Variants in RNLS observed in about 807,000 individuals in gnomAD.
RNLS encodes renalase.
A neutral mutation model predicts 39.8 loss-of-function variants in RNLS; 39 were observed. That is an observed-to-expected ratio of 0.98 (90% CI 0.76 to 1.28). The LOEUF is 1.28. RNLS is among the 50% of genes most tolerant of loss of function. The pLI, the probability that RNLS is intolerant of heterozygous loss-of-function variation, is 0.00. For synonymous variants in RNLS, 147 were observed against 150.7 expected, an observed-to-expected ratio of 0.98 and a Z score of 0.18; for missense variants, 410 against 413.3, an observed-to-expected ratio of 0.99 and a Z score of 0.07.
At chr10:88,474,358 A>C (rs888697441) in intron 4 of RNLS, among the ~76,000 whole-genome samples, 2 of 152,110 alleles carry the variant, frequency 1.3e-5, no homozygotes, top group African/African-American at 4.8e-5. Flanking sequence ...AGGCAGGAGA[A>C]TTCTTTGTTG....
chr10:88,310,854 A>C (rs1845329780), intron 6 of RNLS, among the ~76,000 whole-genome samples: 1 of 151,218 alleles, frequency 6.6e-6, no homozygotes, highest in South Asian at 2.1e-4. Flanking sequence ...AAAAGGTACA[A>C]GCTCAGGGCA....
At chr10:88,564,878 C>G (rs1044998228) in intron 4 of RNLS, among the ~76,000 whole-genome samples, 3 of 152,098 alleles carry the variant, frequency 2.0e-5, no homozygotes, top group Admixed American at 6.5e-5. Flanking sequence ...CCATAAGAAG[C>G]AAAATAGAGA....
the RNLS span, among the ~76,000 whole-genome samples, chr10:88,180,831 A>G: frequency 6.6e-6 from 1 of 152,216 alleles, no homozygotes; most frequent in South Asian, 2.1e-4. Flanking sequence ...GAAACCATCC[A>G]TACTATTGAG....
At chr10:88,394,886 C>T (rs1402128488) in intron 4 of RNLS, among the ~76,000 whole-genome samples, 1 of 152,124 alleles carries the variant, frequency 6.6e-6, no homozygotes, top group Non-Finnish European at 1.5e-5. Context: ...AGTTCATGTC[C>T]TTTGTAGGGA....
At position 88,362,570 on chromosome 10, in the gene RNLS, T is replaced by C. The variant is rs1849723640; in HGVS notation, c.682A>G (p.Asn228Asp). The change falls in exon 5 of 7, where the codon AAT becomes GAT. Residue 228 changes from asparagine to aspartate, a missense_variant. Coordinates refer to ENST00000331772, the MANE Select transcript of RNLS (RefSeq NM_001031709.3). ...NPCIRFVSID[N>D]KKRNIESSEI... ...TACTGACCTATATTGCGCTTCTTAT[T>C]ATCAATGGAGACGAAGCGTATGCAG... 3.7e-6 allele frequency: 6 copies of C among 1,613,798 alleles called. No homozygotes were observed. Among genetic ancestry groups the C allele is most frequent in the Non-Finnish European group, 5.1e-6 (6 of 1,179,826 alleles).
the RNLS span, among the ~76,000 whole-genome samples, chr10:88,195,891 G>A: frequency 0.052 from 7,852 of 152,212 alleles, 635 homozygotes; most frequent in African/African-American, 0.17. Flanking sequence ...ATTGCTAGAG[G>A]CATTCCCTGG....
chr10:88,542,727 C>G (rs193281968), intron 4 of RNLS, among the ~76,000 whole-genome samples: 28 of 152,076 alleles, frequency 1.8e-4, no homozygotes, highest in African/African-American at 5.8e-4. Flanking sequence ...GCTGAAGCAC[C>G]GATAATAGAT....
intron 4 of RNLS, among the ~76,000 whole-genome samples, chr10:88,559,979 A>T (rs1051063264): frequency 1.3e-5 from 2 of 151,976 alleles, no homozygotes; most frequent in Non-Finnish European, 2.9e-5. Flanking sequence ...ACATATTTTT[A>T]GAGTACATGT....
intron 4 of RNLS, among the ~76,000 whole-genome samples, chr10:88,384,419 G>A (rs540690686): frequency 1.3e-5 from 2 of 152,272 alleles, no homozygotes; most frequent in South Asian, 4.1e-4. Flanking sequence ...AAAAACTTAG[G>A]CTCAGAGAGG....
chr10:88,328,232 A>G (rs1180611235), intron 5 of RNLS, among the ~76,000 whole-genome samples: 3 of 152,212 alleles, frequency 2.0e-5, no homozygotes, highest in East Asian at 1.9e-4. Flanking sequence ...ACAAAAGTTA[A>G]TTAGAACAAT....
At chr10:88,319,956 A>C (rs1258390528) in intron 5 of RNLS, among the ~76,000 whole-genome samples, 1 of 152,084 alleles carries the variant, frequency 6.6e-6, no homozygotes, top group East Asian at 1.9e-4. Flanking sequence ...AAGATACTAC[A>C]GAAGATGATA....
chr10:88,234,282 GC>G, the RNLS span, among the ~76,000 whole-genome samples: 1 of 151,932 alleles, frequency 6.6e-6, no homozygotes, highest in Non-Finnish European at 1.5e-5. Flanking sequence ...TAAGTCTGGA[GC>G]ACATTCTTGG....
chr10:88,240,560 C>T, the RNLS span, among the ~76,000 whole-genome samples: 26 of 152,136 alleles, frequency 1.7e-4, no homozygotes, highest in African/African-American at 5.3e-4. Context: ...CCAGCCACCT[C>T]GTCTAGAAAG....
At chr10:88,235,802 G>C in the RNLS span, among the ~76,000 whole-genome samples, 20 of 151,960 alleles carry the variant, frequency 1.3e-4, no homozygotes, top group Admixed American at 1.3e-3. Flanking sequence ...GAGAGATAGA[G>C]AGGTTTTTTG....
chr10:88,527,602 C>G (rs773460227), intron 4 of RNLS, among the ~76,000 whole-genome samples: 14 of 152,046 alleles, frequency 9.2e-5, no homozygotes, highest in Non-Finnish European at 1.3e-4. Context: ...TGAGAGGTCC[C>G]CCTTGAAATG....
chr10:88,572,768 T>TAC, intron 4 of RNLS, 135 bp downstream of exon 4: 1 of 855,582 alleles, frequency 1.2e-6, no homozygotes, highest in Non-Finnish European at 1.8e-6. Context: ...ACGACGGCCG[T>TAC]AAGTATCAGT....
At chr10:88,502,994 T>C (rs1031883358) in intron 4 of RNLS, among the ~76,000 whole-genome samples, 1 of 151,960 alleles carries the variant, frequency 6.6e-6, no homozygotes, top group East Asian at 1.9e-4. Flanking sequence ...CCCCAGGTAC[T>C]GGCCCATCAC....
In RNLS at chr10:88,362,635, A is replaced by G. The variant is rs1340229124; in HGVS notation, c.617T>C (p.Ile206Thr). The G allele has an allele frequency of 1.9e-6, 3 of 1,613,994 alleles. No homozygotes were observed. The highest frequency in any genetic ancestry group is 1.7e-5 in the Admixed American group (1 of 59,938). The change falls in exon 5 of 7, where the codon ATT becomes ACT. Residue 206 changes from isoleucine (I) to threonine (T), a missense_variant. Coordinates refer to ENST00000331772, the MANE Select transcript of RNLS (RefSeq NM_001031709.3). ...LGLFYEAGTK[I>T]DVPWAGQYIT... ...GTACTGCCCAGCCCAAGGGACATCA[A>G]TCTTCGTACCAGCTTCATAAAAGAG...
Position 88,395,133 on chromosome 10 carries a change from T to C in RNLS, c.527-32408A>G, listed in dbSNP as rs1297501558. ...GGATGCAGCACACCAACATGGCACATGTATACATATGTAACAAACCTGCAT... is the reference window on the plus strand; with the variant it reads ...GGATGCAGCACACCAACATGGCACACGTATACATATGTAACAAACCTGCAT... On this transcript the variant is annotated intron_variant, in intron 4 of 6. Coordinates refer to ENST00000331772, the MANE Select transcript of RNLS (RefSeq NM_001031709.3). Among the ~76,000 whole-genome samples, 4 of 151,514 alleles carry C rather than the reference T, an allele frequency of 2.6e-5. No homozygotes were observed. The South Asian group carries it at 8.4e-4, about 32-fold the overall frequency.
Sources: allele counts gnomAD v4.1 joint callset (sites outside exome capture counted in the v4.1 genomes callset), GRCh38; gene constraint gnomAD v4.1.1; transcripts MANE v1.5; gene names NCBI Gene and HGNC (gene_info 2026-07-23, HGNC 2026-07-21).